Variants in LSM10 observed in about 807,000 individuals in gnomAD.
The protein encoded by LSM10 is U7 snRNA-associated Sm-like protein LSm10.
LSM10 carries 4 observed loss-of-function variants against 5.2 expected under a neutral mutation model. The observed-to-expected ratio is 0.77, with a 90% confidence interval of 0.38 to 1.77. The LOEUF is 1.77. Among genes scored for constraint, LSM10 ranks in the 40% most tolerant of loss-of-function variants. The probability of loss-of-function intolerance (pLI) is 0.04; values close to 1 mark genes in which losing one functional copy is unlikely to be tolerated. For synonymous variants in LSM10, 63 were observed against 67.4 expected, an observed-to-expected ratio of 0.94 and a Z score of 0.32; for missense variants, 150 against 171.6, an observed-to-expected ratio of 0.87 and a Z score of 0.70.
chr1:36,397,333 G>GCA (rs1382184800), intron 1 of LSM10, among the ~76,000 whole-genome samples: 5 of 152,180 alleles, frequency 3.3e-5, no homozygotes, highest in African/African-American at 1.2e-4. Flanking sequence ...GTGCATTGTG[G>GCA]CACTGAGCGT....
intron 1 of LSM10, among the ~76,000 whole-genome samples, chr1:36,397,066 T>C (rs6682536): frequency 0.15 from 23,177 of 152,018 alleles, 1,843 homozygotes; most frequent in South Asian, 0.17. Flanking sequence ...GAAACCTAGG[T>C]TGGAATCCCC....
rs1450294643 is a variant in LSM10, at chr1:36,394,349, C to T, written c.-24-196G>A. ...TTGCAAGCCAAGGATTACTTATGCT[C>T]ATTTTATGAATGAGAAAAATATGGC... On this transcript the variant is annotated intron_variant, in intron 1 of 1. Coordinates refer to ENST00000315732, the MANE Select transcript of LSM10 (RefSeq NM_032881.3). Among the ~76,000 whole-genome samples the T allele has an allele frequency of 5.3e-5, 8 of 152,192 alleles. 1 individual carries two copies. The highest frequency in any genetic ancestry group is 1.0e-4 in the Non-Finnish European group (7 of 68,040).
In LSM10 at chr1:36,397,896, G is replaced by C. The variant is rs1001250204; in HGVS notation, c.-154C>G. The C allele has an allele frequency of 2.0e-5, 3 of 152,326 alleles. No individual in the cohort carries two copies. Among genetic ancestry groups the C allele is most frequent in the East Asian group, 3.9e-4 (2 of 5,184 alleles). 9.4% of individuals were successfully genotyped at this position (152,326 alleles called of 1,614,324 possible). A position where few individuals can be genotyped will look rare whatever the true frequency, so the allele number is the denominator to read the frequency against. ...CGGCGACCGGGCCGCTCTGTCCTCC[G>C]GGCGCAGAGTGCGTCAGTGCTCTGC... On this transcript the variant is annotated 5_prime_UTR_variant, in exon 1 of 2. Coordinates refer to ENST00000315732, the MANE Select transcript of LSM10 (RefSeq NM_032881.3).
chr1:36,396,782 G>A (rs1231765148), intron 1 of LSM10, among the ~76,000 whole-genome samples: 2 of 152,166 alleles, frequency 1.3e-5, no homozygotes, highest in African/African-American at 4.8e-5. Flanking sequence ...GACCCGCCTG[G>A]CCAACATGGT....
At position 36,393,863 on chromosome 1, in the gene LSM10, G is replaced by A. The variant is rs771968219; in HGVS notation, c.267C>T (p.Asn89=). 1.9e-6 allele frequency: 3 copies of A among 1,614,270 alleles called. No homozygotes were observed. The highest frequency in any genetic ancestry group is 4.5e-5 in the East Asian group (2 of 44,894). The part of the protein sequence containing the change: ...VRYVHIPDDV[N]ITSTIEQQLQ... ...GCTGCTGCTCAATGGTCGAGGTGAT[G>A]TTCACGTCATCTGGGATGTGGACGT... The change falls in exon 2 of 2, where the codon AAC becomes AAT. Residue 89 remains asparagine, a synonymous_variant. Coordinates refer to ENST00000315732, the MANE Select transcript of LSM10 (RefSeq NM_032881.3).
At position 36,394,061 on chromosome 1, in the gene LSM10, G is replaced by A. The variant is rs764661391; in HGVS notation, c.69C>T (p.Gly23=). ...SENSLIILLQ[G]LQGRVTTVDL... is the part of the protein sequence containing the mutation. ...CCACAGTGGTTACCCGGCCCTGGAG[G>A]CCCTGCAGTAGGATGATCAGGCTGT... The change falls in exon 2 of 2, where the codon GGC becomes GGT. Residue 23 remains glycine, a synonymous_variant. Transcript: ENST00000315732. 9.3e-6 allele frequency: 15 copies of A among 1,614,182 alleles called. No individual in the cohort carries two copies. The East Asian group carries it at 2.7e-4, about 29-fold the overall frequency.
Position 36,393,468 on chromosome 1 carries a change from G to A in LSM10, c.*290C>T. ...GAGCATGTTTAATTATCCTCACTGG[G>A]AGAGTTGAAAACTACTTGACAGGTT... On this transcript the variant is annotated 3_prime_UTR_variant, in exon 2 of 2. Coordinates refer to ENST00000315732, the MANE Select transcript of LSM10 (RefSeq NM_032881.3). The A allele has an allele frequency of 2.2e-6, 1 of 460,398 alleles. No homozygotes were observed. Among genetic ancestry groups the A allele is most frequent in the Non-Finnish European group, 4.0e-6 (1 of 251,020 alleles). The allele number at this position is 460,398 out of a possible 1,614,324, so 28.5% of individuals were successfully genotyped here.
intron 1 of LSM10, among the ~76,000 whole-genome samples, chr1:36,394,491 C>T (rs1434107291): frequency 1.3e-5 from 2 of 151,996 alleles, no homozygotes; most frequent in Non-Finnish European, 2.9e-5. Flanking sequence ...ATAGCAAGAC[C>T]CCAACTCTGA....
chr1:36,395,997 G>A lies in LSM10; in HGVS notation c.-25+1770C>T, dbSNP rs994920192. ...AGCACTTTGGGAGACCGAGGCGGGC[G>A]GATCATGAGGTCAGGAGATCAAGAC... On this transcript the variant is annotated intron_variant, in intron 1 of 1. Transcript: ENST00000315732. 5.3e-5 allele frequency among the ~76,000 whole-genome samples: 8 copies of A among 151,868 alleles called. 1 individual carries two copies. The highest frequency in any genetic ancestry group is 3.3e-4 in the Admixed American group (5 of 15,242).
In LSM10 at chr1:36,393,938, C is replaced by T. The variant is rs1570479358; in HGVS notation, c.192G>A (p.Gly64=). 1.2e-6 allele frequency: 2 copies of T among 1,614,246 alleles called. No homozygotes were observed. Among genetic ancestry groups the T allele is most frequent in the Non-Finnish European group, 1.7e-6 (2 of 1,180,038 alleles). Residue 64 remains glycine, a synonymous_variant, in exon 2 of 2, where the codon GGG becomes GGA. Coordinates refer to ENST00000315732, the MANE Select transcript of LSM10 (RefSeq NM_032881.3). ...AGAGGTCATCCAGCTTGACCTGATGCCCCCAACGGTCCGTGTAGGTGACTT... is the reference window on the plus strand; with the variant it reads ...AGAGGTCATCCAGCTTGACCTGATGTCCCCAACGGTCCGTGTAGGTGACTT... ...LAKVTYTDRW[G]HQVKLDDLFV... is the part of the protein sequence containing the mutation.
intron 1 of LSM10, among the ~76,000 whole-genome samples, chr1:36,396,709 C>T (rs892576317): frequency 1.2e-4 from 18 of 152,346 alleles, no homozygotes; most frequent in African/African-American, 3.4e-4. Flanking sequence ...CAAGGGCTCA[C>T]GCCTGTAATC....
intron 1 of LSM10, among the ~76,000 whole-genome samples, chr1:36,395,642 GTGGT>G (rs1289558571): frequency 2.0e-5 from 3 of 151,994 alleles, no homozygotes; most frequent in Non-Finnish European, 4.4e-5. Context: ...GTCGGGCATG[GTGGT>G]GAGCACCTAT....
At chr1:36,394,508 A>T (rs11263879) in intron 1 of LSM10, among the ~76,000 whole-genome samples, 47,534 of 151,910 alleles carry the variant, frequency 0.31, 7,591 homozygotes, top group African/African-American at 0.35. Flanking sequence ...CTGATTTTTT[A>T]AAAAAACCTA....
Position 36,393,877 on chromosome 1 carries a change from G to C in LSM10, c.253C>G (p.Pro85Ala). 1.2e-6 allele frequency: 2 copies of C among 1,614,248 alleles called. No homozygotes were observed. The highest frequency in any genetic ancestry group is 8.5e-7 in the Non-Finnish European group (1 of 1,180,054). Reference sequence around the variant, plus strand: ...GTCGAGGTGATGTTCACGTCATCTGGGATGTGGACGTAGCGGACATTGCGG... The same window carrying C: ...GTCGAGGTGATGTTCACGTCATCTGCGATGTGGACGTAGCGGACATTGCGG... ...TGRNVRYVHI[P>A]DDVNITSTIE... The change falls in exon 2 of 2, where the codon CCA (proline) becomes GCA (alanine). Residue 85 changes from proline (P) to alanine (A), a missense_variant. Pro to Ala is a conservative substitution (Grantham distance 27). Transcript: ENST00000315732.
chr1:36,394,781 C>T (rs1046586643), intron 1 of LSM10, among the ~76,000 whole-genome samples: 7 of 127,372 alleles, frequency 5.5e-5, no homozygotes, highest in East Asian at 2.7e-4. Flanking sequence ...AGAGTGACTC[C>T]GTCTCAAAAA....
In LSM10 at chr1:36,393,600, C is replaced by T. The variant is rs1647136853; in HGVS notation, c.*158G>A. The T allele has an allele frequency of 1.0e-6, 1 of 996,480 alleles. No homozygotes were observed. The highest frequency in any genetic ancestry group is 1.5e-6 in the Non-Finnish European group (1 of 671,994). 61.7% of individuals were successfully genotyped at this position (996,480 alleles called of 1,614,324 possible). A position where few individuals can be genotyped will look rare whatever the true frequency, so the allele number is the denominator to read the frequency against. On this transcript the variant is annotated 3_prime_UTR_variant, in exon 2 of 2. Coordinates refer to ENST00000315732, the MANE Select transcript of LSM10 (RefSeq NM_032881.3). The stretch of plus-strand genomic sequence containing the variant: ...CCCAGAGTGAGTCTGGGAGGTGGAA[C>T]CCTGTGAAAGGCAGCTTTGACAGGT...
Position 36,393,658 on chromosome 1 carries a change from C to T in LSM10, c.*100G>A. The T allele has an allele frequency of 6.6e-7, 1 of 1,515,928 alleles. No homozygotes were observed. The highest frequency in any genetic ancestry group is 9.0e-7 in the Non-Finnish European group (1 of 1,116,928). 93.9% of individuals were successfully genotyped at this position (1,515,928 alleles called of 1,614,324 possible). A position where few individuals can be genotyped will look rare whatever the true frequency, so the allele number is the denominator to read the frequency against. Reference sequence around the variant, plus strand: ...GTTGGACACCAGCTTCTGGCCTGGCCCTGCTTTCTTCTCGGGTACCAGACA... The same window carrying T: ...GTTGGACACCAGCTTCTGGCCTGGCTCTGCTTTCTTCTCGGGTACCAGACA... On this transcript the variant is annotated 3_prime_UTR_variant, in exon 2 of 2. Coordinates refer to ENST00000315732, the MANE Select transcript of LSM10 (RefSeq NM_032881.3).
intron 1 of LSM10, among the ~76,000 whole-genome samples, chr1:36,396,384 C>T (rs1647158544): frequency 6.6e-6 from 1 of 152,188 alleles, no homozygotes; most frequent in Non-Finnish European, 1.5e-5. Context: ...TCCACGCTGG[C>T]TGGAAACAGA....
At position 36,393,892 on chromosome 1, in the gene LSM10, G is replaced by A. The variant is rs749640330; in HGVS notation, c.238C>T (p.Arg80Cys). 5.0e-6 allele frequency: 8 copies of A among 1,614,248 alleles called. No individual in the cohort carries two copies. The highest frequency in any genetic ancestry group is 2.2e-5 in the East Asian group (1 of 44,888). ...ACGTCATCTGGGATGTGGACGTAGC[G>A]GACATTGCGGCCTGTCACAAAGAGG... Reference protein sequence around the residue: ...DDLFVTGRNVRYVHIPDDVNI... With the variant: ...DDLFVTGRNVCYVHIPDDVNI... Residue 80 changes from arginine (R) to cysteine (C), a missense_variant, in exon 2 of 2, where the codon CGC (arginine) becomes TGC (cysteine). By Grantham distance (180) the Arg-to-Cys change is radical. Coordinates refer to ENST00000315732, the MANE Select transcript of LSM10 (RefSeq NM_032881.3).
Sources: gnomAD v4.1 joint callset for allele counts (sites outside exome capture counted in the v4.1 genomes callset) on GRCh38, gnomAD v4.1.1 for gene constraint, MANE v1.5 for transcripts, NCBI Gene and HGNC (gene_info 2026-07-23, HGNC 2026-07-21) for gene names.